ROS1: variants seen among roughly 807,000 people sequenced by gnomAD.
ROS1 encodes ROS proto-oncogene 1, receptor tyrosine kinase, also known as proto-oncogene tyrosine-protein kinase ROS.
Under a neutral mutation model 273.5 loss-of-function variants are expected in ROS1, and 263 were observed. That is an observed-to-expected ratio of 0.96 (90% confidence interval 0.87 to 1.06). The LOEUF is 1.06. Ranked by LOEUF, ROS1 falls within the 50% of genes least tolerant of loss-of-function variation. The pLI is 0.00. For synonymous variants in ROS1, 1,008 were observed against 954.1 expected, an observed-to-expected ratio of 1.06 and a Z score of -1.04; for missense variants, 2,833 against 2,751.1, an observed-to-expected ratio of 1.03 and a Z score of -0.67.
chr6:117,303,971 C>T (rs917512745), intron 42 of ROS1, among the ~76,000 whole-genome samples: 4 of 152,148 alleles, frequency 2.6e-5, no homozygotes, highest in South Asian at 2.1e-4. Context: ...CCATTTATTT[C>T]GTTTCCTAAC....
chr6:117,317,422 C>G, intron 38 of ROS1, 150 bp from the exon 39 acceptor site: 2 of 869,412 alleles, frequency 2.3e-6, no homozygotes, highest in Non-Finnish European at 3.4e-6. Flanking sequence ...AACTCCTGGT[C>G]TTTGTGCTTA....
chr6:117,389,241 G>T, intron 13 of ROS1, 109 bp downstream of exon 13: 1 of 1,284,560 alleles, frequency 7.8e-7, no homozygotes, highest in Non-Finnish European at 1.1e-6. Flanking sequence ...TCTGGTTGAT[G>T]ACTGAATAGC....
At chr6:117,414,594 A>C in intron 3 of ROS1, 49 bp from the exon 4 acceptor site, 1 of 717,754 alleles carries the variant, frequency 1.4e-6, no homozygotes. Flanking sequence ...AGTTGTAAAT[A>C]ATTTTAGTGA....
chr6:117,389,430 C>A lies in ROS1; in HGVS notation c.1706G>T (p.Arg569Leu), dbSNP rs145765584. The A allele has an allele frequency of 2.5e-6, 4 of 1,614,130 alleles. No homozygotes were observed. The highest frequency in any genetic ancestry group is 2.2e-5 in the South Asian group (2 of 91,086). Reference sequence around the variant, plus strand: ...AAACAGCACCGAAAGCTCCTGCGGGCGGCCTGGCAGAGGGTGCAGCTGGGA... The same window carrying A: ...AAACAGCACCGAAAGCTCCTGCGGGAGGCCTGGCAGAGGGTGCAGCTGGGA... ...SSSQLHPLPG[R>L]PQELSVLFGS... Residue 569 changes from arginine to leucine, a missense_variant, in exon 13 of 44, where the codon CGC becomes CTC. Arg to Leu is a moderately radical substitution (Grantham distance 102). Coordinates refer to ENST00000368507, the MANE Select transcript of ROS1 (RefSeq NM_001378902.1).
chr6:117,367,066 C>T (rs148139698), intron 18 of ROS1, among the ~76,000 whole-genome samples: 49 of 152,172 alleles, frequency 3.2e-4, no homozygotes, highest in African/African-American at 1.1e-3. Flanking sequence ...GAAATGAAAC[C>T]CGTAAAAACC....
intron 12 of ROS1, among the ~76,000 whole-genome samples, chr6:117,391,384 A>G (rs532689777): frequency 5.1e-4 from 77 of 152,308 alleles, no homozygotes; most frequent in African/African-American, 1.8e-3. Context: ...AGGAAGAGAA[A>G]GAAAAATAGA....
At chr6:117,303,571 G>A (rs1774895977) in intron 42 of ROS1, among the ~76,000 whole-genome samples, 1 of 152,178 alleles carries the variant, frequency 6.6e-6, no homozygotes, top group African/African-American at 2.4e-5. Flanking sequence ...TGGTCATTGA[G>A]GGGAAAGGAT....
chr6:117,408,529 A>C (rs1166673864), intron 5 of ROS1, among the ~76,000 whole-genome samples: 1 of 152,198 alleles, frequency 6.6e-6, no homozygotes, highest in Admixed American at 6.5e-5. Context: ...ATCTCACACC[A>C]GTTAGAACGG....
intron 39 of ROS1, among the ~76,000 whole-genome samples, chr6:117,315,599 CA>C (rs1582595496): frequency 1.3e-5 from 2 of 152,104 alleles, no homozygotes; most frequent in East Asian, 3.9e-4. Flanking sequence ...CCTAAAAGTC[CA>C]ACCAAATTAT....
intron 1 of ROS1, among the ~76,000 whole-genome samples, chr6:117,421,346 T>C (rs1023478364): frequency 6.6e-6 from 1 of 151,692 alleles, no homozygotes; most frequent in South Asian, 2.1e-4. Context: ...GAGATCTTAG[T>C]GCACCTTTCA....
chr6:117,364,881 AATT>A (rs1383940572), intron 21 of ROS1, among the ~76,000 whole-genome samples, 176 bp downstream of exon 21: 2 of 152,240 alleles, frequency 1.3e-5, no homozygotes, highest in Non-Finnish European at 2.9e-5. Context: ...TTTTGGAATA[AATT>A]ATGCATATTT....
chr6:117,374,538 G>A (rs926990716), intron 18 of ROS1, among the ~76,000 whole-genome samples: 7 of 152,106 alleles, frequency 4.6e-5, no homozygotes, highest in Middle Eastern at 3.2e-3. Flanking sequence ...AGATAACATC[G>A]AAGAAACCCT....
intron 7 of ROS1, among the ~76,000 whole-genome samples, chr6:117,399,958 C>T (rs1347180139): frequency 6.6e-6 from 1 of 152,162 alleles, no homozygotes; most frequent in African/African-American, 2.4e-5. Context: ...TAAAACCTTC[C>T]ATAGCTCCTA....
intron 4 of ROS1, among the ~76,000 whole-genome samples, chr6:117,410,720 C>G (rs1294006059): frequency 6.6e-6 from 1 of 152,134 alleles, no homozygotes; most frequent in Non-Finnish European, 1.5e-5. Flanking sequence ...TAGCGGAAAG[C>G]AGGCACAATA....
intron 41 of ROS1, 68 bp downstream of exon 41, chr6:117,310,013 G>T: frequency 7.4e-7 from 1 of 1,353,964 alleles, no homozygotes; most frequent in Non-Finnish European, 1.0e-6. Flanking sequence ...AAGATTAGAT[G>T]TCCTTTTAAA....
intron 43 of ROS1, among the ~76,000 whole-genome samples, chr6:117,292,264 C>T (rs1334537316): frequency 6.6e-6 from 1 of 152,144 alleles, no homozygotes; most frequent in Non-Finnish European, 1.5e-5. Flanking sequence ...GCCACAGCGC[C>T]TGGCCCTCTG....
intron 39 of ROS1, 134 bp downstream of exon 39, chr6:117,317,009 G>T: frequency 1.0e-6 from 1 of 957,736 alleles, no homozygotes; most frequent in East Asian, 2.7e-5. Context: ...CTAATGTGAA[G>T]GAAACAGAAT....
At position 117,395,059 on chromosome 6, in the gene ROS1, G is replaced by T. The variant is rs1365433377; in HGVS notation, c.884-321C>A. On this transcript the variant is annotated intron_variant, in intron 9 of 43. Coordinates refer to ENST00000368507, the MANE Select transcript of ROS1 (RefSeq NM_001378902.1). ...CTTATTATTTTCAGCCATGAGAATT[G>T]GCTCGGTGGAGGTGGTCCACCCCAG... Among the ~76,000 whole-genome samples the T allele has an allele frequency of 2.0e-5, 3 of 152,088 alleles. 1 individual carries two copies. In the South Asian group the frequency reaches 6.2e-4, roughly 32 times the overall value.
chr6:117,338,003 C>G (rs1299228127), intron 31 of ROS1, among the ~76,000 whole-genome samples: 1 of 152,058 alleles, frequency 6.6e-6, no homozygotes, highest in Non-Finnish European at 1.5e-5. Flanking sequence ...TATTGGGCCT[C>G]TAATTGCAGC....
Sources: gnomAD v4.1 joint callset for allele counts (sites outside exome capture counted in the v4.1 genomes callset) on GRCh38, gnomAD v4.1.1 for gene constraint, MANE v1.5 for transcripts, NCBI Gene and HGNC (gene_info 2026-07-23, HGNC 2026-07-21) for gene names.